DLGAP1: variants seen among roughly 807,000 people sequenced by gnomAD.
DLGAP1 encodes DLG associated protein 1.
DLGAP1 carries 11 observed loss-of-function variants against 90.8 expected under a neutral mutation model. That is an observed-to-expected ratio of 0.12 (90% CI 0.08 to 0.20). The LOEUF is 0.20. Among genes scored for constraint, DLGAP1 ranks in the 10% least tolerant of loss-of-function variants. The pLI is 1.00. For missense variants in DLGAP1, 1,050 were observed against 1,333.8 expected (o/e 0.79, Z 3.31); for synonymous variants, 558 against 540.7 (o/e 1.03, Z -0.44).
intron 2 of DLGAP1, among the ~76,000 whole-genome samples, chr18:4,044,068 T>C (rs771409590): frequency 6.6e-6 from 1 of 152,218 alleles, no homozygotes; most frequent in Non-Finnish European, 1.5e-5. Context: ...TCTGGCAAAC[T>C]AGAATTACTT....
intron 1 of DLGAP1, among the ~76,000 whole-genome samples, chr18:4,380,493 CT>C (rs146162378): frequency 0.019 from 2,911 of 152,264 alleles, 59 homozygotes; most frequent in African/African-American, 0.049. Flanking sequence ...TCACAAATCA[CT>C]CCCTTTCCCC....
chr18:3,901,738 C>T (rs1045038179), intron 3 of DLGAP1, among the ~76,000 whole-genome samples: 1 of 152,086 alleles, frequency 6.6e-6, no homozygotes, highest in African/African-American at 2.4e-5. Flanking sequence ...TTTCAGAAAA[C>T]CAAATGGGTT....
intron 1 of DLGAP1, among the ~76,000 whole-genome samples, chr18:4,415,388 T>C (rs917334986): frequency 1.3e-5 from 2 of 152,176 alleles, no homozygotes; most frequent in Non-Finnish European, 2.9e-5. Flanking sequence ...ATTGTGGTGT[T>C]TGTAATATTA....
chr18:4,447,526 G>A (rs1008687191), intron 1 of DLGAP1, among the ~76,000 whole-genome samples: 1 of 152,012 alleles, frequency 6.6e-6, no homozygotes, highest in African/African-American at 2.4e-5. Context: ...GTCCCTCTGA[G>A]GGAAGACATG....
chr18:4,400,606 G>A (rs1394029165), intron 1 of DLGAP1, among the ~76,000 whole-genome samples: 2 of 152,074 alleles, frequency 1.3e-5, no homozygotes, highest in Non-Finnish European at 2.9e-5. Context: ...GGCTCTCGGG[G>A]GAGCAACTGG....
chr18:3,851,693 T>C (rs938203831), intron 4 of DLGAP1, among the ~76,000 whole-genome samples: 1 of 152,054 alleles, frequency 6.6e-6, no homozygotes, highest in African/African-American at 2.4e-5. Flanking sequence ...AAAAGAAACA[T>C]GAAGAAGACC....
intron 8 of DLGAP1, among the ~76,000 whole-genome samples, chr18:3,574,514 G>C (rs1449818845): frequency 6.6e-6 from 1 of 152,034 alleles, no homozygotes; most frequent in East Asian, 1.9e-4. Context: ...TATCTGTTTA[G>C]CGTTAATTTC....
intron 3 of DLGAP1, among the ~76,000 whole-genome samples, chr18:3,974,701 A>T (rs2073532320): frequency 6.6e-6 from 1 of 152,186 alleles, no homozygotes; most frequent in Non-Finnish European, 1.5e-5. Flanking sequence ...CAATGTCAAA[A>T]GACCTAACAT....
intron 4 of DLGAP1, among the ~76,000 whole-genome samples, chr18:3,861,940 G>A (rs1345599101): frequency 6.6e-6 from 1 of 152,148 alleles, no homozygotes; most frequent in Non-Finnish European, 1.5e-5. Flanking sequence ...TGGTTTCAGA[G>A]AGCAATACGA....
At chr18:3,921,064 G>A (rs2072259242) in intron 3 of DLGAP1, among the ~76,000 whole-genome samples, 1 of 152,142 alleles carries the variant, frequency 6.6e-6, no homozygotes, top group African/African-American at 2.4e-5. Flanking sequence ...ACATAGTAAT[G>A]TAACTTGGAA....
intron 3 of DLGAP1, among the ~76,000 whole-genome samples, chr18:3,924,812 TTTTG>T (rs1457449384): frequency 5.3e-5 from 8 of 152,212 alleles, no homozygotes; most frequent in South Asian, 2.1e-4. Flanking sequence ...TGTTTTGGGT[TTTTG>T]TTTGTTTGTT....
intron 1 of DLGAP1, among the ~76,000 whole-genome samples, chr18:4,260,318 T>C (rs2078977797): frequency 6.6e-6 from 1 of 152,130 alleles, no homozygotes; most frequent in South Asian, 2.1e-4. Context: ...AAGCAAATAT[T>C]TGAGGGGTTA....
intron 7 of DLGAP1, among the ~76,000 whole-genome samples, chr18:3,586,407 C>T (rs564879069): frequency 6.6e-6 from 1 of 152,112 alleles, no homozygotes; most frequent in South Asian, 2.1e-4. Context: ...GGACTTTACT[C>T]GTTATTATGA....
At chr18:3,691,884 C>T (rs995079766) in intron 7 of DLGAP1, among the ~76,000 whole-genome samples, 5 of 152,068 alleles carry the variant, frequency 3.3e-5, no homozygotes, top group African/African-American at 1.2e-4. Flanking sequence ...CATGCCACTG[C>T]ATTCCTGTCT....
chr18:3,870,301 T>C (rs896485365), intron 4 of DLGAP1, among the ~76,000 whole-genome samples: 2 of 152,198 alleles, frequency 1.3e-5, no homozygotes. Context: ...GCCATACATA[T>C]ATATGATTCT....
chr18:3,877,502 C>T (rs889499240), intron 4 of DLGAP1, among the ~76,000 whole-genome samples: 33 of 152,164 alleles, frequency 2.2e-4, no homozygotes, highest in Admixed American at 5.9e-4. Flanking sequence ...GGTCATAGAA[C>T]CTTCGCAGAC....
At chr18:4,336,777 G>T in intron 1 of DLGAP1, among the ~76,000 whole-genome samples, 1 of 152,070 alleles carries the variant, frequency 6.6e-6, no homozygotes, top group East Asian at 1.9e-4. Flanking sequence ...TTTGTTGTAG[G>T]GGCTTATAGA....
Position 3,822,022 on chromosome 18 carries a change from C to CAGA in DLGAP1, c.958-7752_958-7750dup, listed in dbSNP as rs1254540718. 9 of 697,370 alleles carry CAGA rather than the reference C, an allele frequency of 1.3e-5. No homozygotes were observed. The African/African-American group carries it at 3.0e-4, about 23-fold the overall frequency. 43.2% of individuals were successfully genotyped at this position (697,370 alleles called of 1,614,324 possible). On this transcript the variant is annotated intron_variant, in intron 4 of 12. Coordinates refer to ENST00000315677, the MANE Select transcript of DLGAP1 (RefSeq NM_004746.4). ...TAGCTTGCTCTTCTCATAGCAAAAA[C>CAGA]AGAAAAAAAAAAAAAAAAGAGCAAG...
chr18:4,042,671 C>T (rs1002005476), intron 2 of DLGAP1, among the ~76,000 whole-genome samples: 3 of 152,006 alleles, frequency 2.0e-5, no homozygotes, highest in African/African-American at 7.2e-5. Context: ...ACCTCGGAGG[C>T]GAAGGTTGCA....
Sources: gnomAD v4.1 joint callset for allele counts (sites outside exome capture counted in the v4.1 genomes callset) on GRCh38, gnomAD v4.1.1 for gene constraint, MANE v1.5 for transcripts, NCBI Gene and HGNC (gene_info 2026-07-23, HGNC 2026-07-21) for gene names.